The following GABRB1 variants were observed in gnomAD, a reference collection of about 807,000 sequenced individuals.
GABRB1 encodes the protein gamma-aminobutyric acid type A receptor subunit beta1, also known as gamma-aminobutyric acid receptor subunit beta-1.
In GABRB1, 17 loss-of-function variants were observed where a neutral mutation model predicts 51.6. The ratio of observed to expected loss-of-function variants is 0.33; its 90% CI spans 0.23 to 0.49. The LOEUF (loss-of-function observed/expected upper bound fraction) is 0.49. Among genes scored for constraint, GABRB1 ranks in the 20% least tolerant of loss-of-function variants. The pLI, the probability that GABRB1 is intolerant of heterozygous loss-of-function variation, is 0.99. For synonymous variants in GABRB1, 247 were observed against 218.9 expected, an observed-to-expected ratio of 1.13 and a Z score of -1.14; for missense variants, 410 against 600.6, an observed-to-expected ratio of 0.68 and a Z score of 3.32.
chr4:47,163,675 C>A (rs1464423771), intron 4 of GABRB1, among the ~76,000 whole-genome samples: 2 of 151,922 alleles, frequency 1.3e-5, no homozygotes, highest in African/African-American at 2.4e-5. Context: ...TGCACATGTA[C>A]CTCCTAAATC....
intron 1 of GABRB1, among the ~76,000 whole-genome samples, chr4:47,007,328 A>C (rs1724437974): frequency 6.6e-6 from 1 of 152,196 alleles, no homozygotes; most frequent in African/African-American, 2.4e-5. Flanking sequence ...GAATGATCTA[A>C]TAATTCTCAA....
chr4:47,376,175 C>A (rs1381496659), intron 5 of GABRB1, among the ~76,000 whole-genome samples: 1 of 151,990 alleles, frequency 6.6e-6, no homozygotes, highest in Admixed American at 6.6e-5. Context: ...GATTGAAAAC[C>A]CCAAGAAGAG....
At chr4:47,275,350 G>C (rs1234465352) in intron 4 of GABRB1, among the ~76,000 whole-genome samples, 2 of 152,244 alleles carry the variant, frequency 1.3e-5, no homozygotes, top group African/African-American at 4.8e-5. Flanking sequence ...GTCTCTAGTA[G>C]AGGCTAAGAC....
At chr4:47,150,182 AACAC>A (rs36209473) in intron 3 of GABRB1, among the ~76,000 whole-genome samples, 1,561 of 141,554 alleles carry the variant, frequency 0.011, 21 homozygotes, top group African/African-American at 0.035. Context: ...ACACACACAC[AACAC>A]ACACACACAC....
intron 3 of GABRB1, among the ~76,000 whole-genome samples, chr4:47,057,159 T>C (rs1164760029): frequency 6.6e-6 from 1 of 152,172 alleles, no homozygotes; most frequent in Non-Finnish European, 1.5e-5. Flanking sequence ...AATGCAGTTC[T>C]CTGGTCTACA....
intron 1 of GABRB1, among the ~76,000 whole-genome samples, chr4:47,025,912 T>C (rs2109457575): frequency 6.6e-6 from 1 of 152,016 alleles, no homozygotes; most frequent in South Asian, 2.1e-4. Flanking sequence ...ACTTTAAAAC[T>C]CAAAGCCTTT....
intron 4 of GABRB1, among the ~76,000 whole-genome samples, chr4:47,197,646 A>T (rs753613792): frequency 5.9e-5 from 9 of 152,224 alleles, no homozygotes; most frequent in African/African-American, 2.2e-4. Context: ...TGATTCTCCC[A>T]CTGGAACATA....
chr4:47,269,588 A>G (rs1722774108), intron 4 of GABRB1, among the ~76,000 whole-genome samples: 1 of 152,108 alleles, frequency 6.6e-6, no homozygotes, highest in African/African-American at 2.4e-5. Context: ...CCTTATAGCC[A>G]GATGCACCTC....
At chr4:47,192,030 A>G (rs1392614289) in intron 4 of GABRB1, among the ~76,000 whole-genome samples, 1 of 152,134 alleles carries the variant, frequency 6.6e-6, no homozygotes, top group Non-Finnish European at 1.5e-5. Context: ...TCGTACAATT[A>G]CCAAGCTATA....
chr4:47,394,952 A>C (rs1308330548), intron 5 of GABRB1, among the ~76,000 whole-genome samples: 1 of 152,106 alleles, frequency 6.6e-6, no homozygotes, highest in African/African-American at 2.4e-5. Context: ...AAGTGAGCAG[A>C]CTCAGCAGAT....
chr4:47,297,607 T>G (rs1211318444), intron 4 of GABRB1, among the ~76,000 whole-genome samples: 1 of 152,082 alleles, frequency 6.6e-6, no homozygotes, highest in African/African-American at 2.4e-5. Flanking sequence ...GAAATTGTGG[T>G]AATAATCAAT....
intron 3 of GABRB1, among the ~76,000 whole-genome samples, chr4:47,037,684 C>T (rs1725649935): frequency 6.6e-6 from 1 of 151,722 alleles, no homozygotes; most frequent in Admixed American, 6.6e-5. Flanking sequence ...GTGTGAAATA[C>T]AATGAAAATA....
intron 4 of GABRB1, among the ~76,000 whole-genome samples, chr4:47,257,748 C>T (rs1286393517): frequency 6.6e-6 from 1 of 151,252 alleles, no homozygotes. Flanking sequence ...ACCAGTTCAC[C>T]CTAATTAGGA....
intron 3 of GABRB1, among the ~76,000 whole-genome samples, chr4:47,101,089 A>G (rs1714700330): frequency 6.6e-6 from 1 of 151,956 alleles, no homozygotes; most frequent in Non-Finnish European, 1.5e-5. Context: ...CACACAATGG[A>G]AGTTTTACGT....
intron 4 of GABRB1, among the ~76,000 whole-genome samples, chr4:47,306,640 T>C (rs1030827208): frequency 6.6e-6 from 1 of 152,168 alleles, no homozygotes; most frequent in Non-Finnish European, 1.5e-5. Context: ...TGTACATTTT[T>C]AAAAATTTGC....
chr4:47,359,282 T>G (rs1726712697), intron 5 of GABRB1, among the ~76,000 whole-genome samples: 1 of 152,150 alleles, frequency 6.6e-6, no homozygotes, highest in Non-Finnish European at 1.5e-5. Flanking sequence ...AACATCATGA[T>G]GGAAACATTT....
chr4:47,326,307 C>A (rs1043442862), intron 5 of GABRB1, among the ~76,000 whole-genome samples: 5 of 152,156 alleles, frequency 3.3e-5, no homozygotes, highest in Non-Finnish European at 5.9e-5. Flanking sequence ...GTGCCTACGT[C>A]ATTCACCTCA....
At chr4:47,264,810 C>G (rs2109884389) in intron 4 of GABRB1, among the ~76,000 whole-genome samples, 1 of 152,290 alleles carries the variant, frequency 6.6e-6, no homozygotes, top group South Asian at 2.1e-4. Context: ...TGCAATCAAT[C>G]TTTCTCTTTG....
chr4:47,060,800 G>A lies in GABRB1; in HGVS notation c.240+28316G>A, dbSNP rs999104432. Among the ~76,000 whole-genome samples the A allele has an allele frequency of 2.6e-5, 4 of 152,062 alleles. No individual in the cohort carries two copies. In the East Asian group the frequency reaches 5.8e-4, roughly 22 times the overall value. On this transcript the variant is annotated intron_variant, in intron 3 of 8. Transcript: ENST00000295454. ...TCATGAAAGCCACACAAGAAAGATG[G>A]CACTTTAAGATGAATGTACGGTGTT...
Sources: gnomAD v4.1 joint callset for allele counts (sites outside exome capture counted in the v4.1 genomes callset) on GRCh38, gnomAD v4.1.1 for gene constraint, MANE v1.5 for transcripts, NCBI Gene and HGNC (gene_info 2026-07-23, HGNC 2026-07-21) for gene names.